Variants in HSF1 observed in about 807,000 individuals in gnomAD.
HSF1 encodes the protein heat shock transcription factor 1.
Under a neutral mutation model 51.7 loss-of-function variants are expected in HSF1, and 32 were observed. That is an observed-to-expected ratio of 0.62 (90% CI 0.47 to 0.83). The LOEUF is 0.83. HSF1 is among the 40% of genes least tolerant of loss of function. HSF1 has a pLI of 0.00. For missense variants in HSF1, 727 were observed against 717.0 expected, an observed-to-expected ratio of 1.01 and a Z score of -0.16; for synonymous variants, 396 against 309.7, an observed-to-expected ratio of 1.28 and a Z score of -2.92.
intron 2 of HSF1, 115 bp downstream of exon 2, chr8:144,309,129 T>C: frequency 1.2e-6 from 1 of 858,756 alleles, no homozygotes; most frequent in South Asian, 1.5e-5. Flanking sequence ...GCCAAGGGCA[T>C]GGCGTGGGAC....
At chr8:144,309,937 G>T in intron 4 of HSF1, 41 bp downstream of exon 4, 1 of 1,595,028 alleles carries the variant, frequency 6.3e-7, no homozygotes, top group Non-Finnish European at 8.6e-7. Context: ...GCGGGTCCTG[G>T]CGCCCACCAA....
At chr8:144,293,695 C>G (rs1250100727) in intron 1 of HSF1, 6 of 151,872 alleles carry the variant, frequency 4.0e-5, no homozygotes, top group African/African-American at 1.5e-4. Context: ...GCCTTGGCCT[C>G]CCAAAGTGCT....
rs955728673 is a variant in HSF1 at position 144,297,132 on chromosome 8, G to A, written c.117+5258G>A. Among the ~76,000 whole-genome samples, 6 of 152,176 alleles carry A rather than the reference G, an allele frequency of 3.9e-5. No individual in the cohort carries two copies. Among genetic ancestry groups the A allele is most frequent in the Non-Finnish European group, 8.8e-5 (6 of 68,034 alleles). On this transcript the variant is annotated intron_variant, in intron 1 of 12. Transcript: ENST00000528838. This position sits in a 1 kb window ranked among gnomAD's most constrained non-coding sequence, Gnocchi z 4.6. ...GGAGGAGTCAGCCTGTGTGCAGGGC[G>A]AGCTGGAGAGGGGTCGGTGGGGCTC...
chr8:144,303,653 G>A (rs1554842772), intron 1 of HSF1, among the ~76,000 whole-genome samples: 3 of 152,164 alleles, frequency 2.0e-5, no homozygotes, highest in South Asian at 2.1e-4. Flanking sequence ...CAAGGTGGGT[G>A]GATCACTTAT....
Position 144,296,518 on chromosome 8 carries a change from G to A in HSF1, c.117+4644G>A, listed in dbSNP as rs959660295. Among the ~76,000 whole-genome samples, 4 of 152,204 alleles carry A rather than the reference G, an allele frequency of 2.6e-5. No individual in the cohort carries two copies. In the East Asian group the frequency reaches 7.7e-4, roughly 29 times the overall value. On this transcript the variant is annotated intron_variant, in intron 1 of 12. Transcript: ENST00000528838. ...GGCCATAAGAAGGCACACAGCTGGGGCTGGTCGTGGTGGCTCACGCCTGTA... is the reference window on the plus strand; with the variant it reads ...GGCCATAAGAAGGCACACAGCTGGGACTGGTCGTGGTGGCTCACGCCTGTA...
chr8:144,307,565 C>G (rs1816303878), intron 1 of HSF1, among the ~76,000 whole-genome samples: 1 of 152,210 alleles, frequency 6.6e-6, no homozygotes, highest in South Asian at 2.1e-4. Context: ...CATGGTGAAA[C>G]CCCATCTCTC....
chr8:144,304,908 G>T (rs1449394092), intron 1 of HSF1, among the ~76,000 whole-genome samples: 4 of 150,974 alleles, frequency 2.6e-5, no homozygotes, highest in African/African-American at 9.8e-5. Flanking sequence ...CAAAGTGTTG[G>T]GATTACAGGC....
chr8:144,311,731 T>G lies in HSF1; in HGVS notation c.755T>G (p.Leu252Arg). 1 of 1,612,650 alleles carries G rather than the reference T, an allele frequency of 6.2e-7. No individual in the cohort carries two copies. The highest frequency in any genetic ancestry group is 1.1e-5 in the South Asian group (1 of 90,984). ...TCCCCAGCCTACAGCAGCTCCAGCC[T>G]CTACGCCCCTGATGCTGTGGCCAGC... ...APSPAYSSSS[L>R]YAPDAVASSG... The change falls in exon 8 of 13, where the codon CTC (leucine) becomes CGC (arginine). Residue 252 changes from leucine to arginine, a missense_variant. Leu to Arg is a moderately radical substitution (Grantham distance 102). Around this residue, in one of 2 missense-constraint regions of HSF1, gnomAD observed 470 missense variants for 398.8 expected, o/e 1.18. Transcript: ENST00000528838.
chr8:144,298,442 CAA>C (rs11405501), intron 1 of HSF1, among the ~76,000 whole-genome samples: 1 of 138,740 alleles, frequency 7.2e-6, no homozygotes, highest in Non-Finnish European at 1.6e-5. Flanking sequence ...ACTAAAAATA[CAA>C]AAAAAAAAAA....
At chr8:144,302,251 G>A (rs1441310024) in intron 1 of HSF1, among the ~76,000 whole-genome samples, 3 of 151,936 alleles carry the variant, frequency 2.0e-5, no homozygotes, top group Non-Finnish European at 2.9e-5. Flanking sequence ...GCTCACGCCT[G>A]TAATCCCAGC....
intron 1 of HSF1, chr8:144,292,533 G>C (rs1462505530): frequency 2.0e-5 from 3 of 152,278 alleles, no homozygotes; most frequent in Non-Finnish European, 4.4e-5. Flanking sequence ...AGACCGGACA[G>C]CTCCGGTTTG....
At chr8:144,305,564 G>A (rs1254512030) in intron 1 of HSF1, among the ~76,000 whole-genome samples, 1 of 151,872 alleles carries the variant, frequency 6.6e-6, no homozygotes, top group Admixed American at 6.6e-5. Context: ...GCCTCCCAAA[G>A]TGCTGAGATT....
Position 144,314,464 on chromosome 8 carries a change from G to T in HSF1, c.*134G>T, listed in dbSNP as rs1313971703. 4 of 723,400 alleles carry T rather than the reference G, an allele frequency of 5.5e-6. No individual in the cohort carries two copies. Among genetic ancestry groups the T allele is most frequent in the Non-Finnish European group, 9.2e-6 (4 of 434,582 alleles). The allele number at this position is 723,400 out of a possible 1,614,324, so 44.8% of individuals were successfully genotyped here. Reference sequence around the variant, plus strand: ...TAGCCCCAGTAGGACAAACGGGCTCGGGTCTGGGCAGCACCTCTGGTCAGG... The same window carrying T: ...TAGCCCCAGTAGGACAAACGGGCTCTGGTCTGGGCAGCACCTCTGGTCAGG... On this transcript the variant is annotated 3_prime_UTR_variant, in exon 13 of 13. Coordinates refer to ENST00000528838, the MANE Select transcript of HSF1 (RefSeq NM_005526.4).
chr8:144,305,112 A>G (rs1554843070), intron 1 of HSF1, among the ~76,000 whole-genome samples: 1 of 146,978 alleles, frequency 6.8e-6, no homozygotes, highest in Non-Finnish European at 1.5e-5. Context: ...TGTGCCGGCT[A>G]ATTTTTATAT....
intron 4 of HSF1, chr8:144,310,747 G>A (rs1816579465): frequency 4.8e-6 from 1 of 207,256 alleles, no homozygotes; most frequent in African/African-American, 2.3e-5. Flanking sequence ...GCCTGGCGAG[G>A]GCCCTGAGCA....
intron 1 of HSF1, among the ~76,000 whole-genome samples, chr8:144,308,308 T>C (rs1816359853): frequency 6.6e-6 from 1 of 152,224 alleles, no homozygotes; most frequent in South Asian, 2.1e-4. Context: ...CAGCGCCTCC[T>C]GATAGCTCTG....
At chr8:144,306,363 T>G (rs1425812013) in intron 1 of HSF1, among the ~76,000 whole-genome samples, 2 of 151,800 alleles carry the variant, frequency 1.3e-5, no homozygotes, top group Non-Finnish European at 2.9e-5. Flanking sequence ...AACTAGAGTT[T>G]TTTGTTTGTT....
At chr8:144,300,434 G>A (rs782636317) in intron 1 of HSF1, among the ~76,000 whole-genome samples, 21 of 152,020 alleles carry the variant, frequency 1.4e-4, no homozygotes, top group Admixed American at 2.6e-4. Context: ...AGCCAGGATG[G>A]TCTCAATCTC....
In HSF1 at chr8:144,312,113, G is replaced by A. The variant is rs369045018; in HGVS notation, c.1011G>A (p.Glu337=). ...PTALIDSILR[E]SEPAPASVTA... ...CCCTCATTGACTCCATCCTGCGGGAGAGTGAACCTGCCCCCGCCTCCGTCA... is the reference window on the plus strand; with the variant it reads ...CCCTCATTGACTCCATCCTGCGGGAAAGTGAACCTGCCCCCGCCTCCGTCA... The change falls in exon 9 of 13, where the codon GAG becomes GAA. Residue 337 remains glutamate (E), a synonymous_variant. Coordinates refer to ENST00000528838, the MANE Select transcript of HSF1 (RefSeq NM_005526.4). 107 of 1,612,258 alleles carry A rather than the reference G, an allele frequency of 6.6e-5. No individual in the cohort carries two copies. Among genetic ancestry groups the A allele is most frequent in the Middle Eastern group, 1.6e-4 (1 of 6,082 alleles).
Sources: gnomAD v4.1 joint callset for allele counts (sites outside exome capture counted in the v4.1 genomes callset) on GRCh38, gnomAD v4.1.1 for gene constraint, gnomAD v4.1.1 regional missense constraint, Gnocchi (gnomAD v3.1) non-coding constraint, MANE v1.5 for transcripts, NCBI Gene and HGNC (gene_info 2026-07-23, HGNC 2026-07-21) for gene names.